CATSPERB: variants seen among roughly 807,000 people sequenced by gnomAD.
The protein encoded by CATSPERB is cation channel sperm-associated auxiliary subunit beta.
In CATSPERB, 93 loss-of-function variants were observed where a neutral mutation model predicts 128.3. The observed-to-expected ratio is 0.72, with a 90% CI of 0.61 to 0.86. CATSPERB has a LOEUF of 0.86. Ranked by LOEUF, CATSPERB falls within the 40% of genes least tolerant of loss-of-function variation. CATSPERB has a pLI of 0.00. For missense variants in CATSPERB, 1,153 were observed against 1,329.5 expected (o/e 0.87, Z 2.06); for synonymous variants, 381 against 448.8 (o/e 0.85, Z 1.91).
chr14:91,631,294 T>C (rs1894272877), intron 17 of CATSPERB, among the ~76,000 whole-genome samples: 1 of 152,222 alleles, frequency 6.6e-6, no homozygotes, highest in South Asian at 2.1e-4. Flanking sequence ...TACTGAAACC[T>C]TTGTGTGTTG....
intron 11 of CATSPERB, among the ~76,000 whole-genome samples, chr14:91,674,429 G>T (rs1303845077): frequency 1.3e-5 from 2 of 152,030 alleles, no homozygotes; most frequent in Non-Finnish European, 2.9e-5. Flanking sequence ...TATTTCAAGT[G>T]TACCTATTGT....
chr14:91,637,135 T>C (rs1206286201), intron 16 of CATSPERB, among the ~76,000 whole-genome samples: 1 of 152,122 alleles, frequency 6.6e-6, no homozygotes, highest in Non-Finnish European at 1.5e-5. Context: ...CACACCTTTC[T>C]CTAATCCTGA....
intron 21 of CATSPERB, among the ~76,000 whole-genome samples, chr14:91,609,874 C>G (rs1893790353): frequency 6.6e-6 from 1 of 152,142 alleles, no homozygotes; most frequent in African/African-American, 2.4e-5. Flanking sequence ...GCGCGTGCCA[C>G]CGTGCCGGGC....
rs571403498 is a variant in CATSPERB at position 91,624,349 on chromosome 14, C to T, written c.1930+471G>A. Reference sequence around the variant, plus strand: ...TACAAAAGAGATTAGCTGGGCGTGGCAGCATGCGCCTGCAATCCCAGCTAC... The same window carrying T: ...TACAAAAGAGATTAGCTGGGCGTGGTAGCATGCGCCTGCAATCCCAGCTAC... On this transcript the variant is annotated intron_variant, in intron 18 of 26. Transcript: ENST00000256343. Among the ~76,000 whole-genome samples, 477 of 152,316 alleles carry T rather than the reference C, an allele frequency of 3.1e-3. 1 individual carries two copies. Among genetic ancestry groups the T allele is most frequent in the Middle Eastern group, 0.014 (4 of 294 alleles).
chr14:91,582,596 C>T (rs1296276802), intron 26 of CATSPERB, among the ~76,000 whole-genome samples: 1 of 152,176 alleles, frequency 6.6e-6, no homozygotes, highest in African/African-American at 2.4e-5. Flanking sequence ...TATACCTACC[C>T]TTCCTAATTG....
chr14:91,621,509 G>C (rs1212267959), intron 19 of CATSPERB, 99 bp downstream of exon 19: 3 of 963,446 alleles, frequency 3.1e-6, no homozygotes, highest in Admixed American at 2.7e-5. Flanking sequence ...ACAAGTATGG[G>C]AACCAAGGAT....
At chr14:91,712,529 C>T (rs1032839776) in intron 5 of CATSPERB, among the ~76,000 whole-genome samples, 6 of 152,140 alleles carry the variant, frequency 3.9e-5, no homozygotes, top group Admixed American at 2.0e-4. Flanking sequence ...CATCCTCTAC[C>T]ACTTGCAGTT....
chr14:91,649,989 G>T (rs1399297525), intron 15 of CATSPERB, among the ~76,000 whole-genome samples: 1 of 152,048 alleles, frequency 6.6e-6, no homozygotes, highest in Non-Finnish European at 1.5e-5. Context: ...AATTGCTAAG[G>T]TTCAATATGC....
chr14:91,610,398 C>A, intron 21 of CATSPERB, 82 bp downstream of exon 21: 1 of 1,107,874 alleles, frequency 9.0e-7, no homozygotes, highest in Non-Finnish European at 1.3e-6. Context: ...AAAAGAAATG[C>A]TGAAACTGAA....
intron 18 of CATSPERB, among the ~76,000 whole-genome samples, chr14:91,622,360 G>C (rs964954057): frequency 1.3e-5 from 2 of 152,126 alleles, no homozygotes; most frequent in Non-Finnish European, 2.9e-5. Flanking sequence ...TTGTTGAATG[G>C]ATGAGTGATT....
intron 13 of CATSPERB, 98 bp downstream of exon 13, chr14:91,672,769 A>G: frequency 1.0e-6 from 1 of 957,824 alleles, no homozygotes; most frequent in East Asian, 2.8e-5. Context: ...TATAGGTTCT[A>G]TTGCCAGACA....
intron 7 of CATSPERB, among the ~76,000 whole-genome samples, chr14:91,701,967 T>C (rs1213476357): frequency 6.6e-6 from 1 of 152,004 alleles, no homozygotes; most frequent in Non-Finnish European, 1.5e-5. Context: ...CTGTGAGAAC[T>C]TCCTTTATTG....
rs1051372272 is a variant in CATSPERB, at chr14:91,674,480, A to T, written c.932-258T>A. Among the ~76,000 whole-genome samples, 4 of 152,148 alleles carry T rather than the reference A, an allele frequency of 2.6e-5. No individual in the cohort carries two copies. The East Asian group carries it at 7.7e-4, about 29-fold the overall frequency. The stretch of plus-strand genomic sequence containing the variant: ...GAATGTTTTTTATTTTAGGCCATTA[A>T]CTTATATAAAGCAAACTTGTCTTTA... On this transcript the variant is annotated intron_variant, in intron 11 of 26. Coordinates refer to ENST00000256343, the MANE Select transcript of CATSPERB (RefSeq NM_024764.4).
intron 22 of CATSPERB, among the ~76,000 whole-genome samples, chr14:91,607,568 C>T (rs1417757180): frequency 6.6e-6 from 1 of 152,190 alleles, no homozygotes; most frequent in Admixed American, 6.5e-5. Context: ...GACGTAATGT[C>T]AAGGCCAAAG....
rs142546898 is a variant in CATSPERB at position 91,667,756 on chromosome 14, C to A, written c.1287+2058G>T. Among the ~76,000 whole-genome samples, 1,362 of 151,772 alleles carry A rather than the reference C, an allele frequency of 9.0e-3. 16 individuals carry two copies. The highest frequency in any genetic ancestry group is 0.045 in the Middle Eastern group (13 of 292). Reference sequence around the variant, plus strand: ...AACCAGTCAGGGATAGTAAGAGATGCTACCTGGCGTTTACAGGAAAAGGCT... The same window carrying A: ...AACCAGTCAGGGATAGTAAGAGATGATACCTGGCGTTTACAGGAAAAGGCT... On this transcript the variant is annotated intron_variant, in intron 14 of 26. Transcript: ENST00000256343.
Position 91,589,532 on chromosome 14 carries a change from A to G in CATSPERB, c.2956+2T>C, listed in dbSNP as rs1321600552. On this transcript the variant is annotated splice_donor_variant, in intron 24 of 26. Transcript: ENST00000256343. LOFTEE classifies it high-confidence loss of function. The stretch of plus-strand genomic sequence containing the variant: ...ATAATTACAGATGAAAGCAAACCCT[A>G]CTCAGTTTCCAGTTGTGCCTCATGT... 1 of 1,611,152 alleles carries G rather than the reference A, an allele frequency of 6.2e-7. No individual in the cohort carries two copies.
At chr14:91,669,007 G>A (rs1372838021) in intron 14 of CATSPERB, among the ~76,000 whole-genome samples, 1 of 152,190 alleles carries the variant, frequency 6.6e-6, no homozygotes, top group East Asian at 1.9e-4. Flanking sequence ...TTCCCAGCCA[G>A]GCAGAACTGT....
intron 5 of CATSPERB, among the ~76,000 whole-genome samples, chr14:91,710,846 A>G (rs765980077): frequency 2.6e-5 from 4 of 151,946 alleles, no homozygotes; most frequent in Non-Finnish European, 5.9e-5. Context: ...AATTTTTTTT[A>G]CCATATCTTG....
chr14:91,670,202 G>A (rs913585280), intron 13 of CATSPERB, among the ~76,000 whole-genome samples: 2 of 152,256 alleles, frequency 1.3e-5, no homozygotes, highest in South Asian at 2.1e-4. Context: ...CTTGTTGAAA[G>A]CTCTATAATT....
Sources: gnomAD v4.1 joint callset for allele counts (sites outside exome capture counted in the v4.1 genomes callset) on GRCh38, gnomAD v4.1.1 for gene constraint, MANE v1.5 for transcripts, NCBI Gene and HGNC (gene_info 2026-07-23, HGNC 2026-07-21) for gene names.